BTLA: variants seen among roughly 807,000 people sequenced by gnomAD.
The protein encoded by BTLA is B- and T-lymphocyte attenuator.
In BTLA, 11 loss-of-function variants were observed where a neutral mutation model predicts 25.0. The observed-to-expected ratio is 0.44, with a 90% CI of 0.28 to 0.73. BTLA has a LOEUF of 0.73. Ranked by LOEUF, BTLA falls within the 30% of genes least tolerant of loss-of-function variation. BTLA has a pLI of 0.15. For missense variants in BTLA, 282 were observed against 332.8 expected (o/e 0.85, Z 1.19); for synonymous variants, 104 against 119.8 (o/e 0.87, Z 0.86).
chr3:112,466,417 C>T (rs1559822158), intron 4 of BTLA, 34 bp from the exon 5 acceptor site: 3 of 1,524,648 alleles, frequency 2.0e-6, no homozygotes, highest in East Asian at 4.6e-5. Flanking sequence ...TTAAGTGACA[C>T]TTACGGCCAT....
chr3:112,468,634 C>T (rs1447104875), intron 4 of BTLA, among the ~76,000 whole-genome samples: 1 of 152,182 alleles, frequency 6.6e-6, no homozygotes, highest in Admixed American at 6.5e-5. Context: ...CTGGGTTTTA[C>T]TTGCACAGTA....
chr3:112,474,316 C>T (rs1417379675), intron 2 of BTLA, among the ~76,000 whole-genome samples: 1 of 152,082 alleles, frequency 6.6e-6, no homozygotes, highest in Non-Finnish European at 1.5e-5. Context: ...TCACCTTATA[C>T]TTAGTTCACT....
chr3:112,496,742 C>G (rs897824213), intron 1 of BTLA, among the ~76,000 whole-genome samples: 18 of 152,076 alleles, frequency 1.2e-4, no homozygotes, highest in African/African-American at 4.1e-4. Context: ...ATATATCTGA[C>G]CAGTACTTCA....
chr3:112,467,142 A>G (rs1259433675), intron 4 of BTLA, among the ~76,000 whole-genome samples: 3 of 151,870 alleles, frequency 2.0e-5, no homozygotes, highest in East Asian at 1.9e-4. Context: ...TTGTATTTTT[A>G]GTAGAGACGG....
In BTLA at chr3:112,465,002, A is replaced by G. The variant is rs1409729221; in HGVS notation, c.*1106T>C. 1 of 152,248 alleles carries G rather than the reference A, an allele frequency of 6.6e-6. No individual in the cohort carries two copies. Among genetic ancestry groups the G allele is most frequent in the Non-Finnish European group, 1.5e-5 (1 of 68,054 alleles). 9.4% of individuals were successfully genotyped at this position (152,248 alleles called of 1,614,324 possible). A position where few individuals can be genotyped will look rare whatever the true frequency, so the allele number is the denominator to read the frequency against. ...GCTATTTTTGAAATAGTTTAACTCA[A>G]GTACTTTGGAAAGTCCAAAAATCTG... is the stretch of plus-strand genomic sequence containing the variant. On this transcript the variant is annotated 3_prime_UTR_variant, in exon 5 of 5. Coordinates refer to ENST00000334529, the MANE Select transcript of BTLA (RefSeq NM_181780.4).
In BTLA at chr3:112,499,349, A is replaced by G. The variant is rs2082429008; in HGVS notation, c.10T>C (p.Leu4=). 1.9e-6 allele frequency: 3 copies of G among 1,613,622 alleles called. No homozygotes were observed. Among genetic ancestry groups the G allele is most frequent in the Non-Finnish European group, 2.5e-6 (3 of 1,179,850 alleles). ...TTCCCAGTTCCAAGCATGGCAGGCAATGTCTTCATTTCCTGCACATATCAG... is the reference window on the plus strand; with the variant it reads ...TTCCCAGTTCCAAGCATGGCAGGCAGTGTCTTCATTTCCTGCACATATCAG... MKT[L]PAMLGTGKLF... is the part of the protein sequence containing the mutation. Residue 4 remains leucine (L), a synonymous_variant, in exon 1 of 5, where the codon TTG becomes CTG. Coordinates refer to ENST00000334529, the MANE Select transcript of BTLA (RefSeq NM_181780.4).
At chr3:112,494,786 A>G (rs2082400143) in intron 1 of BTLA, among the ~76,000 whole-genome samples, 1 of 152,172 alleles carries the variant, frequency 6.6e-6, no homozygotes, top group Non-Finnish European at 1.5e-5. Context: ...AACTTAGAGG[A>G]TGGGTCAATA....
intron 1 of BTLA, among the ~76,000 whole-genome samples, chr3:112,497,141 A>G (rs1174083956): frequency 6.6e-6 from 1 of 152,262 alleles, no homozygotes; most frequent in Non-Finnish European, 1.5e-5. Flanking sequence ...ATTTTAAATA[A>G]TAATGTTAAA....
At chr3:112,487,692 A>G (rs1188168897) in intron 1 of BTLA, among the ~76,000 whole-genome samples, 1 of 152,208 alleles carries the variant, frequency 6.6e-6, no homozygotes, top group Non-Finnish European at 1.5e-5. Flanking sequence ...TCCTTGACAC[A>G]TTAGTAACGA....
chr3:112,466,371 G>A lies in BTLA; in HGVS notation c.607C>T (p.Leu203Phe), dbSNP rs2082227059. Residue 203 changes from leucine to phenylalanine, a missense_variant, in exon 5 of 5, where the codon CTT becomes TTT. Physicochemically the swap from Leu to Phe is conservative, Grantham distance 22. Transcript: ENST00000334529. ...CTTGCTTCTGTTTGCTCACTCTTAA[G>A]GTGAGCATCAACCTACAATAGAAAA... Reference protein sequence around the residue: ...GREINLVDAHLKSEQTEASTR... With the variant: ...GREINLVDAHFKSEQTEASTR... The A allele has an allele frequency of 1.2e-6, 2 of 1,601,122 alleles. No homozygotes were observed. The highest frequency in any genetic ancestry group is 2.7e-5 in the African/African-American group (2 of 74,538).
chr3:112,471,955 G>A (rs543730526), intron 2 of BTLA, among the ~76,000 whole-genome samples: 1 of 152,286 alleles, frequency 6.6e-6, no homozygotes, highest in South Asian at 2.1e-4. Flanking sequence ...GTCTGCAGTT[G>A]TTCACAGCTC....
chr3:112,481,071 G>A (rs1025167143), intron 1 of BTLA, among the ~76,000 whole-genome samples: 1 of 152,168 alleles, frequency 6.6e-6, no homozygotes, highest in Non-Finnish European at 1.5e-5. Context: ...GGGAGAAATA[G>A]GCAAAAATGA....
Position 112,466,167 on chromosome 3 carries a change from G to C in BTLA, c.811C>G (p.Leu271Val). 6.2e-7 allele frequency: 1 copy of C among 1,612,172 alleles called. No homozygotes were observed. Among genetic ancestry groups the C allele is most frequent in the Non-Finnish European group, 8.5e-7 (1 of 1,178,550 alleles). Residue 271 changes from leucine (L) to valine (V), a missense_variant, in exon 5 of 5, where the codon CTG (leucine) becomes GTG (valine). Leu to Val is a conservative substitution (Grantham distance 32). Coordinates refer to ENST00000334529, the MANE Select transcript of BTLA (RefSeq NM_181780.4). ...NHSVIGPNSR[L>V]ARNVKEAPTE... Reference sequence around the variant, plus strand: ...GGTGCTTCTTTTACATTTCTTGCCAGTCTTGAGTTCGGTCCAATGACAGAA... The same window carrying C: ...GGTGCTTCTTTTACATTTCTTGCCACTCTTGAGTTCGGTCCAATGACAGAA...
chr3:112,479,910 A>T (rs1217709610), intron 1 of BTLA, 141 bp from the exon 2 acceptor site: 7 of 641,818 alleles, frequency 1.1e-5, no homozygotes, highest in Non-Finnish European at 1.9e-5. Flanking sequence ...TTACTAGCAG[A>T]ATGTCTCATA....
chr3:112,485,356 A>T (rs1050278838), intron 1 of BTLA, among the ~76,000 whole-genome samples: 5 of 152,240 alleles, frequency 3.3e-5, no homozygotes, highest in East Asian at 1.9e-4. Context: ...CAAATAGCAC[A>T]ATTCTAATTG....
intron 2 of BTLA, among the ~76,000 whole-genome samples, chr3:112,474,921 G>T (rs528762655): frequency 8.4e-4 from 128 of 152,272 alleles, no homozygotes; most frequent in African/African-American, 3.0e-3. Context: ...TTTGAATGCT[G>T]GTTAACAAAG....
intron 1 of BTLA, among the ~76,000 whole-genome samples, chr3:112,497,689 G>A (rs998797590): frequency 2.0e-5 from 3 of 152,046 alleles, no homozygotes; most frequent in Non-Finnish European, 4.4e-5. Context: ...ACATAAAGAT[G>A]TTTGAGTAAC....
chr3:112,469,934 T>C, intron 3 of BTLA, 130 bp from the exon 4 acceptor site: 2 of 679,082 alleles, frequency 2.9e-6, no homozygotes, highest in South Asian at 1.6e-5. Flanking sequence ...TAATTTGCTT[T>C]GCCTAGCACA....
intron 2 of BTLA, among the ~76,000 whole-genome samples, chr3:112,474,295 T>C (rs1272944677): frequency 1.3e-5 from 2 of 152,270 alleles, no homozygotes; most frequent in Non-Finnish European, 2.9e-5. Context: ...TTCCAAAATA[T>C]ATTTTTCTCC....
Sources: allele counts gnomAD v4.1 joint callset (sites outside exome capture counted in the v4.1 genomes callset), GRCh38; gene constraint gnomAD v4.1.1; transcripts MANE v1.5; gene names NCBI Gene and HGNC (gene_info 2026-07-23, HGNC 2026-07-21).